Variants in TIAM2 observed in about 807,000 individuals in gnomAD.
The protein encoded by TIAM2 is TIAM Rac1 associated GEF 2.
TIAM2 carries 80 observed loss-of-function variants against 152.9 expected under a neutral mutation model. That is an observed-to-expected ratio of 0.52 (90% CI 0.44 to 0.63). The LOEUF (loss-of-function observed/expected upper bound fraction) is 0.63. Ranked by LOEUF, TIAM2 falls within the 30% of genes least tolerant of loss-of-function variation. TIAM2 has a pLI of 0.00. For synonymous variants in TIAM2, 804 were observed against 838.0 expected, an observed-to-expected ratio of 0.96 and a Z score of 0.70; for missense variants, 1,965 against 2,120.1, an observed-to-expected ratio of 0.93 and a Z score of 1.44.
chr6:155,003,180 A>G (rs1201042607), intron 1 of TIAM2, among the ~76,000 whole-genome samples: 1 of 152,198 alleles, frequency 6.6e-6, no homozygotes, highest in Non-Finnish European at 1.5e-5. Flanking sequence ...TATCAATAAC[A>G]AAGTGCTGAA....
At chr6:155,013,079 C>G (rs13197315) in intron 1 of TIAM2, among the ~76,000 whole-genome samples, 29,640 of 151,896 alleles carry the variant, frequency 0.2, 3,091 homozygotes, top group African/African-American at 0.26. Context: ...TTCTCCTGCT[C>G]CTCACCTGTC....
chr6:155,099,933 G>C (rs1464202272), intron 2 of TIAM2, among the ~76,000 whole-genome samples: 1 of 152,250 alleles, frequency 6.6e-6, no homozygotes, highest in African/African-American at 2.4e-5. Context: ...AGTGAATACT[G>C]TAGGCAGTTG....
intron 7 of TIAM2, among the ~76,000 whole-genome samples, chr6:155,159,246 T>C (rs1231328568): frequency 1.3e-5 from 2 of 152,188 alleles, no homozygotes; most frequent in African/African-American, 2.4e-5. Flanking sequence ...AGTGAGAGTG[T>C]GGTAGTCTTA....
In TIAM2 at chr6:155,257,584, A is replaced by T. The variant is rs1583301499; in HGVS notation, c.*463A>T. 1 of 308,772 alleles carries T rather than the reference A, an allele frequency of 3.2e-6. No homozygotes were observed. Among genetic ancestry groups the T allele is most frequent in the East Asian group, 5.4e-5 (1 of 18,614 alleles). 19.1% of individuals were successfully genotyped at this position (308,772 alleles called of 1,614,324 possible). A position where few individuals can be genotyped will look rare whatever the true frequency, so the allele number is the denominator to read the frequency against. ...TGCAGATACTTCATTTTTGTAAGAT[A>T]GATTGTAATAGATGCTGTTTATACT... On this transcript the variant is annotated 3_prime_UTR_variant, in exon 27 of 27. Coordinates refer to ENST00000682666, the MANE Select transcript of TIAM2 (RefSeq NM_012454.4).
At chr6:155,242,450 C>T (rs12193765) in intron 16 of TIAM2, among the ~76,000 whole-genome samples, 19,030 of 152,262 alleles carry the variant, frequency 0.12, 1,529 homozygotes, top group Non-Finnish European at 0.19. Flanking sequence ...CTTCTCTGAG[C>T]GGTCTGGCGT....
At chr6:155,083,348 C>CA (rs574203207) in intron 1 of TIAM2, among the ~76,000 whole-genome samples, 4,220 of 89,748 alleles carry the variant, frequency 0.047, 269 homozygotes, top group African/African-American at 0.15. Flanking sequence ...GACTTTATCT[C>CA]AAAAAAAAAA....
At chr6:155,237,566 A>G (rs923510824) in intron 15 of TIAM2, among the ~76,000 whole-genome samples, 3 of 152,226 alleles carry the variant, frequency 2.0e-5, no homozygotes, top group African/African-American at 7.2e-5. Flanking sequence ...CCCTGCAGCA[A>G]ACTTCTGCCT....
intron 1 of TIAM2, among the ~76,000 whole-genome samples, chr6:155,033,817 A>G (rs1776867712): frequency 6.6e-6 from 1 of 151,812 alleles, no homozygotes; most frequent in African/African-American, 2.4e-5. Context: ...CCCGGGTTCA[A>G]GCAATTCTCC....
At chr6:155,136,565 C>T (rs1326373596) in intron 4 of TIAM2, among the ~76,000 whole-genome samples, 3 of 152,100 alleles carry the variant, frequency 2.0e-5, no homozygotes, top group South Asian at 4.1e-4. Context: ...TGAGCCACCT[C>T]GCCATCTATT....
intron 1 of TIAM2, among the ~76,000 whole-genome samples, chr6:155,036,553 G>A (rs927441733): frequency 6.7e-6 from 1 of 150,238 alleles, no homozygotes; most frequent in African/African-American, 2.4e-5. Context: ...GACCTCAAAG[G>A]TCCTTGTTGG....
At chr6:155,208,666 G>A (rs373979579) in intron 14 of TIAM2, among the ~76,000 whole-genome samples, 3 of 152,240 alleles carry the variant, frequency 2.0e-5, no homozygotes, top group East Asian at 1.9e-4. Flanking sequence ...CGTCTCCCTC[G>A]ATGCCTCTCT....
chr6:155,150,422 T>C (rs964128483), intron 7 of TIAM2, among the ~76,000 whole-genome samples: 1 of 152,056 alleles, frequency 6.6e-6, no homozygotes, highest in Non-Finnish European at 1.5e-5. Context: ...TGGAAGAATA[T>C]GGTGTTAAAA....
intron 15 of TIAM2, among the ~76,000 whole-genome samples, chr6:155,234,761 T>C (rs1782658893): frequency 6.6e-6 from 1 of 152,228 alleles, no homozygotes; most frequent in African/African-American, 2.4e-5. Flanking sequence ...GCTCAATAGA[T>C]GTCCCAGTTG....
intron 12 of TIAM2, 91 bp from the exon 13 acceptor site, chr6:155,182,135 A>T (rs1396479877): frequency 7.7e-6 from 8 of 1,042,002 alleles, no homozygotes; most frequent in Non-Finnish European, 3.0e-6. Context: ...TACTTATGAG[A>T]AAAGATGTTC....
chr6:155,228,955 C>T lies in TIAM2; in HGVS notation c.3169-11575C>T, dbSNP rs57323319. Among the ~76,000 whole-genome samples, 1,078 of 152,306 alleles carry T rather than the reference C, an allele frequency of 7.1e-3. 13 individuals are homozygous for T. Among genetic ancestry groups the T allele is most frequent in the African/African-American group, 0.025 (1,025 of 41,546 alleles). On this transcript the variant is annotated intron_variant, in intron 15 of 26. Coordinates refer to ENST00000682666, the MANE Select transcript of TIAM2 (RefSeq NM_012454.4). ...CTCTGACCTGCCTTCCTGGGCATGCCCCCTAGGCACTCAGGATTTGCCACT... is the reference window on the plus strand; with the variant it reads ...CTCTGACCTGCCTTCCTGGGCATGCTCCCTAGGCACTCAGGATTTGCCACT...
chr6:155,125,224 T>C (rs1473951754), intron 2 of TIAM2, among the ~76,000 whole-genome samples: 4 of 152,040 alleles, frequency 2.6e-5, no homozygotes, highest in African/African-American at 9.7e-5. Flanking sequence ...TGAGTCGAGA[T>C]TGTACCGCTG....
chr6:155,096,834 T>A (rs1394232409), intron 2 of TIAM2, among the ~76,000 whole-genome samples: 1 of 152,202 alleles, frequency 6.6e-6, no homozygotes, highest in Non-Finnish European at 1.5e-5. Context: ...ACCTCTTTGA[T>A]ATATTGGTTT....
chr6:155,245,766 T>TTTTTTGCA, intron 19 of TIAM2, 35 bp downstream of exon 19: 2 of 1,439,940 alleles, frequency 1.4e-6, no homozygotes, highest in Non-Finnish European at 1.9e-6. Flanking sequence ...TTTTTTTTTT[T>TTTTTTGCA]TTTTGCATTT....
chr6:155,180,641 C>T (rs1780881225), intron 12 of TIAM2, among the ~76,000 whole-genome samples: 2 of 151,968 alleles, frequency 1.3e-5, no homozygotes, highest in South Asian at 4.1e-4. Flanking sequence ...CTTGCTCTGT[C>T]ACCCAGGCTG....
Sources: gnomAD v4.1 joint callset for allele counts (sites outside exome capture counted in the v4.1 genomes callset) on GRCh38, gnomAD v4.1.1 for gene constraint, MANE v1.5 for transcripts, NCBI Gene and HGNC (gene_info 2026-07-23, HGNC 2026-07-21) for gene names.